CADM2: variants seen among roughly 807,000 people sequenced by gnomAD.
The protein encoded by CADM2 is cell adhesion molecule 2, also known as immunoglobulin superfamily member 4D.
CADM2 carries 12 observed loss-of-function variants against 49.8 expected under a neutral mutation model. The ratio of observed to expected loss-of-function variants is 0.24; its 90% CI spans 0.15 to 0.39. The LOEUF (loss-of-function observed/expected upper bound fraction) is 0.39. Ranked by LOEUF, CADM2 falls within the 10% of genes least tolerant of loss-of-function variation. The pLI is 1.00. For synonymous variants in CADM2, 214 were observed against 175.4 expected, an observed-to-expected ratio of 1.22 and a Z score of -1.74; for missense variants, 378 against 492.3, an observed-to-expected ratio of 0.77 and a Z score of 2.20.
chr3:85,703,578 A>C (rs554465421), intron 1 of CADM2, among the ~76,000 whole-genome samples: 12 of 152,180 alleles, frequency 7.9e-5, no homozygotes, highest in Non-Finnish European at 1.5e-4. Context: ...AAGAAAAAAA[A>C]GTCCAAGGTT....
At chr3:86,049,911 T>A (rs1414447918) in intron 8 of CADM2, among the ~76,000 whole-genome samples, 1 of 152,104 alleles carries the variant, frequency 6.6e-6, no homozygotes, top group East Asian at 1.9e-4. Context: ...GGGACACAGA[T>A]CCAAACCACA....
At position 86,071,060 on chromosome 3, in the gene CADM2, G is replaced by C. The variant is rs947866010; in HGVS notation, c.*4277G>C. 1.3e-5 allele frequency: 2 copies of C among 151,876 alleles called. No individual in the cohort carries two copies. The highest frequency in any genetic ancestry group is 2.4e-5 in the African/African-American group (1 of 41,412). 9.4% of individuals were successfully genotyped at this position (151,876 alleles called of 1,614,324 possible). A position where few individuals can be genotyped will look rare whatever the true frequency, so the allele number is the denominator to read the frequency against. On this transcript the variant is annotated 3_prime_UTR_variant, in exon 10 of 10. Coordinates refer to ENST00000383699, the MANE Select transcript of CADM2 (RefSeq NM_001167675.2). ...TACAACTAATTCAAGGACAAGTTAA[G>C]TTTTTCTTATTAATGTGACACAGTA...
At chr3:85,879,762 A>C (rs1382836215) in intron 3 of CADM2, among the ~76,000 whole-genome samples, 1 of 152,216 alleles carries the variant, frequency 6.6e-6, no homozygotes, top group Non-Finnish European at 1.5e-5. Context: ...CTATGAAACA[A>C]CATCACAACG....
At chr3:85,974,659 C>T (rs1726553938) in intron 8 of CADM2, among the ~76,000 whole-genome samples, 1 of 151,582 alleles carries the variant, frequency 6.6e-6, no homozygotes, top group Non-Finnish European at 1.5e-5. Context: ...GTTGTTTTAG[C>T]TGAAATTATA....
intron 1 of CADM2, among the ~76,000 whole-genome samples, chr3:85,231,518 A>G (rs2042288465): frequency 6.6e-6 from 1 of 152,018 alleles, no homozygotes; most frequent in Non-Finnish European, 1.5e-5. Flanking sequence ...AGGATATCTA[A>G]GATATTATAG....
chr3:84,973,141 G>T lies in CADM2; in HGVS notation c.61+13473G>T, dbSNP rs554617427. 7.9e-5 allele frequency among the ~76,000 whole-genome samples: 12 copies of T among 152,264 alleles called. 1 individual carries two copies. In the South Asian group the frequency reaches 1.4e-3, roughly 18 times the overall value. Reference sequence around the variant, plus strand: ...TTGATGATGCTGGTCTCGAACTCCTGGCCTCAGGTGATCCGCCAACCTCGG... The same window carrying T: ...TTGATGATGCTGGTCTCGAACTCCTTGCCTCAGGTGATCCGCCAACCTCGG... On this transcript the variant is annotated intron_variant, in intron 1 of 9. Coordinates refer to ENST00000383699, the MANE Select transcript of CADM2 (RefSeq NM_001167675.2).
intron 1 of CADM2, among the ~76,000 whole-genome samples, chr3:85,413,692 C>T (rs1352204422): frequency 2.0e-5 from 3 of 152,132 alleles, no homozygotes; most frequent in Non-Finnish European, 2.9e-5. Flanking sequence ...AAGAGCAGCA[C>T]AGGGGGAAAT....
intron 8 of CADM2, among the ~76,000 whole-genome samples, chr3:85,975,644 T>C (rs1489537795): frequency 6.6e-6 from 1 of 151,650 alleles, no homozygotes; most frequent in African/African-American, 2.4e-5. Context: ...TACGACACAA[T>C]TAATTTCTTT....
intron 1 of CADM2, among the ~76,000 whole-genome samples, chr3:85,283,169 T>C (rs2043546617): frequency 6.6e-6 from 1 of 152,042 alleles, no homozygotes; most frequent in Non-Finnish European, 1.5e-5. Flanking sequence ...ATTATTATAA[T>C]TTATATTTTT....
chr3:85,950,772 A>G (rs1175123697), intron 7 of CADM2, among the ~76,000 whole-genome samples: 1 of 151,134 alleles, frequency 6.6e-6, no homozygotes, highest in Non-Finnish European at 1.5e-5. Context: ...GGTGAAATTA[A>G]TATGCATGTT....
At chr3:85,597,037 T>TA (rs1189188263) in intron 1 of CADM2, among the ~76,000 whole-genome samples, 1 of 152,052 alleles carries the variant, frequency 6.6e-6, no homozygotes, top group African/African-American at 2.4e-5. Flanking sequence ...TCTTGATATA[T>TA]AAATAGGAAT....
chr3:85,312,868 A>G lies in CADM2; in HGVS notation c.61+353200A>G, dbSNP rs959678410. 3.4e-4 allele frequency among the ~76,000 whole-genome samples: 52 copies of G among 152,168 alleles called. 1 individual carries two copies. The highest frequency in any genetic ancestry group is 1.3e-3 in the African/African-American group (52 of 41,442). ...CTATCCTAAGGTTTATAGAGCTATGAGGCTAGTACAAAATATTATGTATTA... is the reference window on the plus strand; with the variant it reads ...CTATCCTAAGGTTTATAGAGCTATGGGGCTAGTACAAAATATTATGTATTA... On this transcript the variant is annotated intron_variant, in intron 1 of 9. Transcript: ENST00000383699.
At chr3:85,967,433 T>C (rs889394956) in intron 8 of CADM2, among the ~76,000 whole-genome samples, 1 of 151,616 alleles carries the variant, frequency 6.6e-6, no homozygotes, top group Non-Finnish European at 1.5e-5. Context: ...AGCAAAATAA[T>C]ATATATGTCA....
At chr3:85,023,442 T>C (rs779283413) in intron 1 of CADM2, among the ~76,000 whole-genome samples, 2 of 152,036 alleles carry the variant, frequency 1.3e-5, no homozygotes, top group African/African-American at 2.4e-5. Flanking sequence ...ATTGCACCAA[T>C]TTTATGTTTT....
intron 1 of CADM2, among the ~76,000 whole-genome samples, chr3:85,408,831 T>C (rs975535019): frequency 2.0e-5 from 3 of 152,086 alleles, no homozygotes; most frequent in African/African-American, 7.2e-5. Flanking sequence ...TTTGGAGAAG[T>C]AAAAAATACA....
At chr3:85,207,021 G>A (rs1413547147) in intron 1 of CADM2, among the ~76,000 whole-genome samples, 2 of 151,068 alleles carry the variant, frequency 1.3e-5, no homozygotes, top group Admixed American at 1.3e-4. Context: ...GAGCCTACTA[G>A]GCAGAATCAG....
At chr3:85,989,458 T>C (rs1257740087) in intron 8 of CADM2, among the ~76,000 whole-genome samples, 1 of 152,098 alleles carries the variant, frequency 6.6e-6, no homozygotes, top group Non-Finnish European at 1.5e-5. Context: ...CAGACCACTT[T>C]TTTCTCTTGC....
chr3:85,153,226 G>A (rs576593593), intron 1 of CADM2, among the ~76,000 whole-genome samples: 14 of 152,182 alleles, frequency 9.2e-5, no homozygotes, highest in African/African-American at 2.6e-4. Flanking sequence ...CAGTGGGTGC[G>A]CGCACCCTGC....
chr3:85,838,062 A>G (rs2074480920), intron 3 of CADM2, among the ~76,000 whole-genome samples: 1 of 151,728 alleles, frequency 6.6e-6, no homozygotes, highest in African/African-American at 2.4e-5. Flanking sequence ...TGTTTTTGAC[A>G]ACAATATTTT....
Sources: allele counts gnomAD v4.1 joint callset (sites outside exome capture counted in the v4.1 genomes callset), GRCh38; gene constraint gnomAD v4.1.1; transcripts MANE v1.5; gene names NCBI Gene and HGNC (gene_info 2026-07-23, HGNC 2026-07-21).